Variants in TBC1D5 observed in about 807,000 individuals in gnomAD.
TBC1D5 encodes the protein TBC1 domain family member 5, also known as TBC1 domain family, member 5.
In TBC1D5, 75 loss-of-function variants were observed where a neutral mutation model predicts 100.3. That is an observed-to-expected ratio of 0.75 (90% CI 0.62 to 0.91). The LOEUF is 0.91. Ranked by LOEUF, TBC1D5 falls within the 40% of genes least tolerant of loss-of-function variation. TBC1D5 has a pLI of 0.00. For missense variants in TBC1D5, 910 were observed against 942.4 expected, an observed-to-expected ratio of 0.97 and a Z score of 0.45; for synonymous variants, 323 against 325.6, an observed-to-expected ratio of 0.99 and a Z score of 0.09.
intron 13 of TBC1D5, among the ~76,000 whole-genome samples, 190 bp downstream of exon 13, chr3:17,371,885 A>G (rs560389005): frequency 6.6e-6 from 1 of 152,130 alleles, no homozygotes; most frequent in Non-Finnish European, 1.5e-5. Context: ...AAACTACAAA[A>G]ACTTAGCTGG....
At position 17,330,103 on chromosome 3, in the gene TBC1D5, C is replaced by T. The variant is rs886084128; in HGVS notation, c.996-21969G>A. 2.6e-5 allele frequency among the ~76,000 whole-genome samples: 4 copies of T among 152,134 alleles called. No individual in the cohort carries two copies. In the South Asian group the frequency reaches 8.3e-4, roughly 31 times the overall value. ...GCCACCTCCCTTGCAGTTGCCCCAT[C>T]ACATTTTATTACAAGCTCTAGTTCC... On this transcript the variant is annotated intron_variant, in intron 13 of 21. Coordinates refer to ENST00000253692, the Ensembl canonical transcript of TBC1D5.
intron 4 of TBC1D5, among the ~76,000 whole-genome samples, chr3:17,413,810 A>C (rs2093997433): frequency 6.6e-6 from 1 of 152,200 alleles, no homozygotes; most frequent in East Asian, 1.9e-4. Flanking sequence ...AAAGGAAACA[A>C]TGTGTTTGTG....
chr3:17,372,794 A>T (rs2092531721), intron 12 of TBC1D5, among the ~76,000 whole-genome samples: 1 of 152,224 alleles, frequency 6.6e-6, no homozygotes, highest in Non-Finnish European at 1.5e-5. Context: ...TTATTCCAAA[A>T]ATATAAAGTA....
chr3:17,574,248 C>T (rs2096644348), intron 2 of TBC1D5, among the ~76,000 whole-genome samples: 1 of 152,024 alleles, frequency 6.6e-6, no homozygotes, highest in African/African-American at 2.4e-5. Flanking sequence ...TATTTAAAGT[C>T]TGCTCCTTCC....
chr3:17,400,516 C>A (rs2093618907), intron 8 of TBC1D5, among the ~76,000 whole-genome samples: 1 of 151,948 alleles, frequency 6.6e-6, no homozygotes, highest in Non-Finnish European at 1.5e-5. Flanking sequence ...GTGGAGAGAG[C>A]CATGGGAGAG....
At chr3:17,738,399 A>ACT (rs1307393947) in intron 1 of TBC1D5, among the ~76,000 whole-genome samples, 51 of 151,216 alleles carry the variant, frequency 3.4e-4, no homozygotes, top group East Asian at 2.3e-3. Flanking sequence ...ACACACACAC[A>ACT]CACTCTCTCT....
intron 3 of TBC1D5, among the ~76,000 whole-genome samples, chr3:17,445,794 AG>A (rs1271268856): frequency 6.6e-6 from 1 of 152,228 alleles, no homozygotes; most frequent in Non-Finnish European, 1.5e-5. Context: ...TATAGGGTTC[AG>A]TACTATCTGT....
At chr3:17,671,895 C>T (rs985938107) in intron 1 of TBC1D5, among the ~76,000 whole-genome samples, 10 of 152,220 alleles carry the variant, frequency 6.6e-5, no homozygotes, top group African/African-American at 2.4e-4. Context: ...ACAGCATAAA[C>T]ATTTTTCAGC....
chr3:17,258,082 C>A (rs1015575917), intron 16 of TBC1D5, among the ~76,000 whole-genome samples: 1 of 152,090 alleles, frequency 6.6e-6, no homozygotes, highest in African/African-American at 2.4e-5. Context: ...AATGTACACA[C>A]AAGATGCATT....
At chr3:17,661,394 T>C (rs2066629468) in intron 1 of TBC1D5, among the ~76,000 whole-genome samples, 1 of 152,212 alleles carries the variant, frequency 6.6e-6, no homozygotes, top group Admixed American at 6.5e-5. Context: ...CACAAGAGAT[T>C]TGGTAGACAT....
At chr3:17,273,531 C>A (rs748112535) in intron 15 of TBC1D5, among the ~76,000 whole-genome samples, 1 of 152,134 alleles carries the variant, frequency 6.6e-6, no homozygotes, top group Non-Finnish European at 1.5e-5. Flanking sequence ...TATTCTTACA[C>A]GCAGCCACCC....
At chr3:17,525,206 T>G (rs538562177) in intron 2 of TBC1D5, among the ~76,000 whole-genome samples, 1 of 152,062 alleles carries the variant, frequency 6.6e-6, no homozygotes, top group African/African-American at 2.4e-5. Flanking sequence ...CTCGGCTCAC[T>G]GCAACCTCCG....
intron 13 of TBC1D5, among the ~76,000 whole-genome samples, chr3:17,339,989 T>C (rs988601964): frequency 3.9e-5 from 6 of 152,234 alleles, no homozygotes; most frequent in Non-Finnish European, 8.8e-5. Context: ...AATTAATTAA[T>C]TTTTATAAGA....
intron 14 of TBC1D5, among the ~76,000 whole-genome samples, chr3:17,292,222 G>A (rs931228542): frequency 6.6e-6 from 1 of 152,128 alleles, no homozygotes; most frequent in African/African-American, 2.4e-5. Context: ...AACCTCAGGG[G>A]GTGCTGGAAA....
intron 2 of TBC1D5, among the ~76,000 whole-genome samples, chr3:17,580,850 C>T (rs919449718): frequency 1.2e-4 from 19 of 152,052 alleles, no homozygotes; most frequent in Admixed American, 7.2e-4. Flanking sequence ...CTTCTCTAGC[C>T]ACCTCTACTA....
chr3:17,505,852 G>T (rs940213741), intron 3 of TBC1D5, among the ~76,000 whole-genome samples: 9 of 151,686 alleles, frequency 5.9e-5, no homozygotes, highest in Non-Finnish European at 1.2e-4. Context: ...AACTGAACAG[G>T]GCACACAGAA....
rs2095445318 is a variant in TBC1D5 at position 17,476,994 on chromosome 3, G to A, written c.97+31480C>T. On this transcript the variant is annotated intron_variant, in intron 3 of 21. Coordinates refer to ENST00000253692, the Ensembl canonical transcript of TBC1D5. Reference sequence around the variant, plus strand: ...GTAGATTTTTATTTCTAATTTTAAAGAGAAAACTTTTAACATTTTACATTG... The same window carrying A: ...GTAGATTTTTATTTCTAATTTTAAAAAGAAAACTTTTAACATTTTACATTG... 2.7e-5 allele frequency among the ~76,000 whole-genome samples: 4 copies of A among 150,290 alleles called. No homozygotes were observed. In the South Asian group the frequency reaches 8.4e-4, roughly 32 times the overall value.
intron 1 of TBC1D5, among the ~76,000 whole-genome samples, chr3:17,660,610 T>C (rs1346438987): frequency 6.6e-6 from 1 of 152,230 alleles, no homozygotes. Flanking sequence ...AGAATGTTTG[T>C]TGTTCTAGCT....
rs575636983 is a variant in TBC1D5, at chr3:17,654,920, TC to T, written c.-100-31008del. ...GTATGTGTCGAGCAATTTATCCATTTCTTCTAGATTTTCTAGTTTATTTGCG... is the reference window on the plus strand; with the variant it reads ...GTATGTGTCGAGCAATTTATCCATTTTTCTAGATTTTCTAGTTTATTTGCG... On this transcript the variant is annotated intron_variant, in intron 1 of 21. Coordinates refer to ENST00000253692, the Ensembl canonical transcript of TBC1D5. Among the ~76,000 whole-genome samples the T allele has an allele frequency of 1.4e-3, 210 of 152,292 alleles. 1 individual carries two copies. Among genetic ancestry groups the T allele is most frequent in the African/African-American group, 4.7e-3 (195 of 41,568 alleles).
Sources: gnomAD v4.1 joint callset for allele counts (sites outside exome capture counted in the v4.1 genomes callset) on GRCh38, gnomAD v4.1.1 for gene constraint, MANE v1.5 for transcripts, NCBI Gene and HGNC (gene_info 2026-07-23, HGNC 2026-07-21) for gene names.